The following SLC43A3 variants were observed in gnomAD, a reference collection of about 807,000 sequenced individuals.
The protein encoded by SLC43A3 is solute carrier family 43 member 3.
SLC43A3 carries 33 observed loss-of-function variants against 53.3 expected under a neutral mutation model. That is an observed-to-expected ratio of 0.62 (90% CI 0.47 to 0.83). SLC43A3 has a LOEUF of 0.83. SLC43A3 is among the 40% of genes least tolerant of loss of function. The pLI is 0.00. For synonymous variants in SLC43A3, 236 were observed against 246.2 expected, an observed-to-expected ratio of 0.96 and a Z score of 0.39; for missense variants, 530 against 610.0, an observed-to-expected ratio of 0.87 and a Z score of 1.38.
rs1942339694 is a variant in SLC43A3 at position 57,409,204 on chromosome 11, T to C, written c.1342A>G (p.Lys448Glu). Residue 448 changes from lysine (K) to glutamate (E), a missense_variant, in exon 13 of 14, where the codon AAA becomes GAA. Physicochemically the swap from Lys to Glu is moderately conservative, Grantham distance 56. Coordinates refer to ENST00000395124, the MANE Select transcript of SLC43A3 (RefSeq NM_199329.3). ...AATGGGTCATTCTGAAGGGAGCCTT[T>C]GATGAGGGTGAAGATGGGGAACTGG... The part of the protein sequence containing the change: ...LLQFPIFTLI[K>E]GSLQNDPFYV... 6.2e-7 allele frequency: 1 copy of C among 1,614,166 alleles called. No homozygotes were observed. Among genetic ancestry groups the C allele is most frequent in the Non-Finnish European group, 8.5e-7 (1 of 1,180,024 alleles).
intron 8 of SLC43A3, among the ~76,000 whole-genome samples, chr11:57,416,987 C>T (rs1942753101): frequency 6.6e-6 from 1 of 152,226 alleles, no homozygotes; most frequent in South Asian, 2.1e-4. Context: ...AAAGATGGCT[C>T]AGACTTAACC....
chr11:57,418,190 C>T (rs1030867120), intron 7 of SLC43A3, among the ~76,000 whole-genome samples: 1 of 152,040 alleles, frequency 6.6e-6, no homozygotes, highest in Non-Finnish European at 1.5e-5. Flanking sequence ...ATTTAATTAG[C>T]TGGGTGTGGT....
chr11:57,409,370 G>C (rs1035880706), intron 12 of SLC43A3, 72 bp from the exon 13 acceptor site: 41 of 1,581,260 alleles, frequency 2.6e-5, no homozygotes, highest in Non-Finnish European at 1.5e-5. Context: ...CTGGCCTCTG[G>C]GGGCTGTCGG....
At position 57,420,973 on chromosome 11, in the gene SLC43A3, T is replaced by G. The variant is rs754496470; in HGVS notation, c.530A>C (p.Lys177Thr). ...DSSSAVFLII[K>T]LLYEKGISLR... ...AATGTAGGCTGTTGCTATATTTACC[T>G]TAATAATAAGGAAGACTGCCGAGGA... The change falls in exon 7 of 14, where the codon AAG (lysine) becomes ACG (threonine). Residue 177 changes from lysine to threonine, a missense_variant and splice_region_variant. Coordinates refer to ENST00000395124, the MANE Select transcript of SLC43A3 (RefSeq NM_199329.3). The G allele has an allele frequency of 1.2e-6, 2 of 1,601,498 alleles. No homozygotes were observed. Among genetic ancestry groups the G allele is most frequent in the Non-Finnish European group, 1.7e-6 (2 of 1,168,520 alleles).
At chr11:57,416,352 G>A (rs1302348708) in intron 9 of SLC43A3, among the ~76,000 whole-genome samples, 47 of 152,196 alleles carry the variant, frequency 3.1e-4, no homozygotes, top group Non-Finnish European at 2.9e-5. Context: ...CAAGGGGTGG[G>A]GAAGTGATAG....
In SLC43A3 at chr11:57,426,203, ACTTTGTCCT is replaced by A. The variant is rs772143445; in HGVS notation, c.-40_-32del. 2 of 1,609,428 alleles carry A rather than the reference ACTTTGTCCT, an allele frequency of 1.2e-6. No individual in the cohort carries two copies. Among genetic ancestry groups the A allele is most frequent in the Non-Finnish European group, 1.7e-6 (2 of 1,176,774 alleles). Reference sequence around the variant, plus strand: ...GAAGTGGAGTGGATCTTCAAATCCCACTTTGTCCTCCTGGACGGATCACAGGCGCCGTAA... The same window carrying A: ...GAAGTGGAGTGGATCTTCAAATCCCACCTGGACGGATCACAGGCGCCGTAA... On this transcript the variant is annotated 5_prime_UTR_variant, in exon 3 of 14. Transcript: ENST00000395124.
At chr11:57,425,433 C>A in intron 4 of SLC43A3, 108 bp downstream of exon 4, 1 of 1,180,416 alleles carries the variant, frequency 8.5e-7, no homozygotes, top group Non-Finnish European at 1.2e-6. Flanking sequence ...AGGTGTGGTG[C>A]CTGGCAGGGT....
At chr11:57,416,744 GCA>G in intron 8 of SLC43A3, 74 bp from the exon 9 acceptor site, 1 of 1,202,466 alleles carries the variant, frequency 8.3e-7, no homozygotes, top group Non-Finnish European at 1.2e-6. Flanking sequence ...GGAGGGAATA[GCA>G]TGGTGAATCC....
intron 6 of SLC43A3, 102 bp downstream of exon 6, chr11:57,421,195 G>T: frequency 2.4e-6 from 3 of 1,266,194 alleles, no homozygotes; most frequent in Non-Finnish European, 3.4e-6. Context: ...ACCTCAGCTT[G>T]GGCCAACCCC....
intron 11 of SLC43A3, among the ~76,000 whole-genome samples, chr11:57,410,451 C>A (rs1463894812): frequency 6.6e-6 from 1 of 152,112 alleles, no homozygotes; most frequent in African/African-American, 2.4e-5. Context: ...CCACCCTGAA[C>A]ATGTAGCCAG....
At chr11:57,417,921 C>T (rs2135025353) in intron 7 of SLC43A3, 34 bp from the exon 8 acceptor site, 2 of 1,607,342 alleles carry the variant, frequency 1.2e-6, no homozygotes, top group Middle Eastern at 1.7e-4. Flanking sequence ...CAGTGTCACA[C>T]CCACGTTCAT....
At chr11:57,425,812 C>A in intron 3 of SLC43A3, 142 bp from the exon 4 acceptor site, 1 of 1,432,744 alleles carries the variant, frequency 7.0e-7, no homozygotes, top group Non-Finnish European at 9.4e-7. Context: ...CCCCTAATTA[C>A]CCCTCAGGAG....
chr11:57,413,576 G>T (rs1354314410), intron 11 of SLC43A3, among the ~76,000 whole-genome samples: 1 of 152,166 alleles, frequency 6.6e-6, no homozygotes, highest in Non-Finnish European at 1.5e-5. Context: ...ATGGGTGGGG[G>T]AAGGGATAGA....
At chr11:57,414,846 C>G in intron 10 of SLC43A3, 87 bp downstream of exon 10, 1 of 1,541,624 alleles carries the variant, frequency 6.5e-7, no homozygotes, top group South Asian at 1.1e-5. Context: ...CCATCAGACC[C>G]TCCTCTGGTG....
intron 5 of SLC43A3, among the ~76,000 whole-genome samples, chr11:57,422,502 C>T (rs1943033728): frequency 6.6e-6 from 1 of 152,176 alleles, no homozygotes; most frequent in Non-Finnish European, 1.5e-5. Flanking sequence ...GTGCCCCTAA[C>T]ATCCTCTTAA....
intron 7 of SLC43A3, among the ~76,000 whole-genome samples, chr11:57,420,440 C>A (rs1021477914): frequency 2.6e-5 from 4 of 152,110 alleles, no homozygotes. Flanking sequence ...GGGTCACTGC[C>A]CAGATAAAAC....
At position 57,414,606 on chromosome 11, in the gene SLC43A3, G is replaced by A. The variant is rs367910535; in HGVS notation, c.1060+9C>T. 123 of 1,435,448 alleles carry A rather than the reference G, an allele frequency of 8.6e-5. 1 individual carries two copies. The highest frequency in any genetic ancestry group is 4.6e-4 in the East Asian group (15 of 32,608). The allele number at this position is 1,435,448 out of a possible 1,614,324, so 88.9% of individuals were successfully genotyped here. On this transcript the variant is annotated intron_variant, in intron 11 of 13. Transcript: ENST00000395124. ...CCCTGACCAGCCCCTGCCCTCCCCC[G>A]CATCTCACCTGTCTTTCTTGCTTCC... is the stretch of plus-strand genomic sequence containing the variant.
intron 11 of SLC43A3, among the ~76,000 whole-genome samples, chr11:57,411,031 C>A (rs1942434110): frequency 6.6e-6 from 1 of 151,994 alleles, no homozygotes; most frequent in Non-Finnish European, 1.5e-5. Context: ...TCAGATAGGT[C>A]TTTATCAGCA....
Position 57,414,621 on chromosome 11 carries a change from T to C in SLC43A3, c.1054A>G (p.Lys352Glu). The C allele has an allele frequency of 6.2e-7, 1 of 1,610,518 alleles. No individual in the cohort carries two copies. The change falls in exon 11 of 14, where the codon AAG becomes GAG. Residue 352 changes from lysine to glutamate, a missense_variant. Physicochemically the swap from Lys to Glu is moderately conservative, Grantham distance 56 (BLOSUM62 1). This residue lies in a region of SLC43A3 where 376 missense variants were observed against 386.7 expected (regional missense o/e 0.97). Coordinates refer to ENST00000395124, the MANE Select transcript of SLC43A3 (RefSeq NM_199329.3). ...LKQKYQKEAR[K>E]TGSSTLAVAL... is the part of the protein sequence containing the mutation. Reference sequence around the variant, plus strand: ...GCCCTCCCCCGCATCTCACCTGTCTTTCTTGCTTCCTTCTGGTACTTCTGT... The same window carrying C: ...GCCCTCCCCCGCATCTCACCTGTCTCTCTTGCTTCCTTCTGGTACTTCTGT...
Sources: allele counts gnomAD v4.1 joint callset (sites outside exome capture counted in the v4.1 genomes callset), GRCh38; gene constraint gnomAD v4.1.1; regional missense constraint gnomAD v4.1.1; transcripts MANE v1.5; gene names NCBI Gene and HGNC (gene_info 2026-07-23, HGNC 2026-07-21).